Variants in LTBP2 observed in about 807,000 individuals in gnomAD.
LTBP2 encodes the protein latent transforming growth factor beta binding protein 2, also known as latent-transforming growth factor beta-binding protein 2.
A neutral mutation model predicts 210.6 loss-of-function variants in LTBP2; 103 were observed. The observed-to-expected ratio is 0.49, with a 90% confidence interval of 0.42 to 0.58. LTBP2 has a LOEUF of 0.58. Among genes scored for constraint, LTBP2 ranks in the 20% least tolerant of loss-of-function variants. LTBP2 has a pLI of 0.00. For synonymous variants in LTBP2, 1,007 were observed against 1,015.0 expected (o/e 0.99, Z 0.15); for missense variants, 2,313 against 2,494.5 (o/e 0.93, Z 1.55).
chr14:74,550,820 A>G (rs2087642502), intron 7 of LTBP2, among the ~76,000 whole-genome samples: 1 of 152,178 alleles, frequency 6.6e-6, no homozygotes. Flanking sequence ...CCAGAGGGGA[A>G]CTTCCTTGGG....
At chr14:74,566,432 G>A (rs1306095673) in intron 3 of LTBP2, among the ~76,000 whole-genome samples, 2 of 152,192 alleles carry the variant, frequency 1.3e-5, no homozygotes, top group Admixed American at 6.5e-5. Flanking sequence ...TCCTTCCTGC[G>A]GCTGCAGGGG....
intron 8 of LTBP2, among the ~76,000 whole-genome samples, chr14:74,538,293 G>A (rs1049621248): frequency 3.3e-5 from 5 of 151,974 alleles, no homozygotes; most frequent in Non-Finnish European, 7.4e-5. Context: ...TAGTCTTCTC[G>A]ATCATTTGGA....
intron 1 of LTBP2, among the ~76,000 whole-genome samples, chr14:74,609,882 G>A (rs2088580361): frequency 6.6e-6 from 1 of 152,256 alleles, no homozygotes; most frequent in Non-Finnish European, 1.5e-5. Context: ...TCTGCACGCA[G>A]GATCCTTGGA....
intron 9 of LTBP2, among the ~76,000 whole-genome samples, chr14:74,534,282 T>C (rs2087390803): frequency 6.6e-6 from 1 of 152,158 alleles, no homozygotes; most frequent in South Asian, 2.1e-4. Flanking sequence ...CCCTCTACCT[T>C]TCCCCAAAGC....
chr14:74,525,745 G>T (rs1449551310), intron 14 of LTBP2, among the ~76,000 whole-genome samples: 2 of 152,200 alleles, frequency 1.3e-5, no homozygotes, highest in Admixed American at 6.5e-5. Flanking sequence ...ACCTCTTGGG[G>T]GAAAGAGTCT....
chr14:74,600,397 G>C (rs1197764097), intron 2 of LTBP2, among the ~76,000 whole-genome samples: 1 of 152,164 alleles, frequency 6.6e-6, no homozygotes, highest in South Asian at 2.1e-4. Flanking sequence ...AGGGGAGAAG[G>C]TATGGCAGCA....
chr14:74,599,744 G>A (rs1005417170), intron 2 of LTBP2, among the ~76,000 whole-genome samples: 10 of 152,356 alleles, frequency 6.6e-5, no homozygotes, highest in African/African-American at 1.9e-4. Context: ...CCCGGGAGAT[G>A]GACTGGTGTG....
chr14:74,508,205 C>T, intron 24 of LTBP2, 110 bp from the exon 25 acceptor site: 2 of 1,372,512 alleles, frequency 1.5e-6, no homozygotes, highest in South Asian at 2.5e-5. Flanking sequence ...CAGGGAGTGG[C>T]TTATGTAGGA....
At chr14:74,553,391 T>G (rs1316979260) in intron 4 of LTBP2, among the ~76,000 whole-genome samples, 1 of 152,198 alleles carries the variant, frequency 6.6e-6, no homozygotes, top group East Asian at 1.9e-4. Context: ...TGTGTCCATT[T>G]TACAGCTAAG....
At chr14:74,561,138 G>T (rs1321568352) in intron 3 of LTBP2, among the ~76,000 whole-genome samples, 2 of 152,142 alleles carry the variant, frequency 1.3e-5, no homozygotes, top group East Asian at 3.9e-4. Flanking sequence ...GGCCAACATG[G>T]TGAAACCTGT....
Position 74,501,371 on chromosome 14 carries a change from C to T in LTBP2, c.5320+70G>A, listed in dbSNP as rs1460461267. 5 of 1,609,962 alleles carry T rather than the reference C, an allele frequency of 3.1e-6. No individual in the cohort carries two copies. In the African/African-American group the frequency reaches 6.7e-5, roughly 21 times the overall value. ...TAGGAGGCAGCAGTGGCTCTTCCAG[C>T]CTTCCTGAGTTCAGGCGTCTCTGTG... On this transcript the variant is annotated intron_variant, in intron 35 of 35. Coordinates refer to ENST00000261978, the MANE Select transcript of LTBP2 (RefSeq NM_000428.3).
At chr14:74,554,730 T>G (rs1326848603) in intron 4 of LTBP2, among the ~76,000 whole-genome samples, 1 of 152,102 alleles carries the variant, frequency 6.6e-6, no homozygotes, top group Non-Finnish European at 1.5e-5. Context: ...TGGAATGAAA[T>G]AGTGGTGACG....
chr14:74,561,481 T>TTC (rs944950051), intron 3 of LTBP2, among the ~76,000 whole-genome samples: 21 of 152,252 alleles, frequency 1.4e-4, no homozygotes, highest in African/African-American at 5.1e-4. Context: ...AGAAAAGCTT[T>TTC]TCTCTCTCTC....
chr14:74,518,721 A>G (rs1302672080), intron 17 of LTBP2, among the ~76,000 whole-genome samples: 1 of 152,262 alleles, frequency 6.6e-6, no homozygotes, highest in Non-Finnish European at 1.5e-5. Flanking sequence ...TCCAGTGCAC[A>G]GCAAAGTCTC....
chr14:74,507,961 C>T lies in LTBP2; in HGVS notation c.3775+12G>A. 1 of 1,612,654 alleles carries T rather than the reference C, an allele frequency of 6.2e-7. No individual in the cohort carries two copies. Among genetic ancestry groups the T allele is most frequent in the Non-Finnish European group, 8.5e-7 (1 of 1,179,938 alleles). On this transcript the variant is annotated intron_variant, in intron 25 of 35. Transcript: ENST00000261978. ...TGGGCAGAGCCCTGTGCCCTCCCCC[C>T]AGAGCCCTTACCCACACACTCTCCA...
chr14:74,603,844 T>C, intron 1 of LTBP2, 139 bp from the exon 2 acceptor site: 1 of 736,068 alleles, frequency 1.4e-6, no homozygotes, highest in Non-Finnish European at 2.4e-6. Context: ...CTATTCTACT[T>C]GCAAATCTAA....
chr14:74,570,667 G>A (rs1186253462), intron 3 of LTBP2, among the ~76,000 whole-genome samples: 2 of 152,242 alleles, frequency 1.3e-5, no homozygotes, highest in Admixed American at 1.3e-4. Context: ...GCAACCCTAT[G>A]ATACAGGAAC....
intron 5 of LTBP2, 50 bp downstream of exon 5, chr14:74,552,830 GCTCTCTGGCCAT>G (rs1162574907): frequency 3.8e-6 from 6 of 1,563,456 alleles, no homozygotes; most frequent in Non-Finnish European, 4.3e-6. Context: ...GGCAGGCCTG[GCTCTCTGGCCAT>G]CTACCCTCCA....
rs187208258 is a variant in LTBP2, at chr14:74,573,982, C to A, written c.830+11872G>T. Among the ~76,000 whole-genome samples, 7 of 152,228 alleles carry A rather than the reference C, an allele frequency of 4.6e-5. No individual in the cohort carries two copies. In the East Asian group the frequency reaches 5.8e-4, roughly 13 times the overall value. On this transcript the variant is annotated intron_variant, in intron 3 of 35. Transcript: ENST00000261978. ...GAACCGGGATCTGTCTGACTCGTGG[C>A]CCATGCTCTTAGCCACTGTGCCGAG...
Sources: allele counts gnomAD v4.1 joint callset (sites outside exome capture counted in the v4.1 genomes callset), GRCh38; gene constraint gnomAD v4.1.1; transcripts MANE v1.5; gene names NCBI Gene and HGNC (gene_info 2026-07-23, HGNC 2026-07-21).